Variants in NAV2 observed in about 807,000 individuals in gnomAD.
NAV2 encodes helicase, APC down-regulated 1.
A neutral mutation model predicts 223.2 loss-of-function variants in NAV2; 54 were observed. The ratio of observed to expected loss-of-function variants is 0.24; its 90% CI spans 0.19 to 0.30. NAV2 has a LOEUF of 0.30. NAV2 is among the 10% of genes least tolerant of loss of function. NAV2 has a pLI of 1.00. For synonymous variants in NAV2, 1,279 were observed against 1,239.3 expected, an observed-to-expected ratio of 1.03 and a Z score of -0.67; for missense variants, 2,806 against 3,147.5, an observed-to-expected ratio of 0.89 and a Z score of 2.60.
intron 1 of NAV2, among the ~76,000 whole-genome samples, chr11:19,433,790 C>T (rs2133621209): frequency 6.6e-6 from 1 of 152,302 alleles, no homozygotes; most frequent in Admixed American, 6.5e-5. Flanking sequence ...AAAGGCAGAT[C>T]ATTGCTTTTC....
chr11:19,868,204 G>A (rs935114637), intron 3 of NAV2, among the ~76,000 whole-genome samples: 1 of 152,180 alleles, frequency 6.6e-6, no homozygotes, highest in African/African-American at 2.4e-5. Flanking sequence ...GGTACCCGTT[G>A]ACATTAATCA....
chr11:20,050,720 G>C (rs2057917321), intron 16 of NAV2, among the ~76,000 whole-genome samples: 1 of 152,174 alleles, frequency 6.6e-6, no homozygotes, highest in Non-Finnish European at 1.5e-5. Context: ...CCCCACCCAG[G>C]ACTCAGCTCC....
At chr11:19,944,057 C>T (rs545268514) in intron 8 of NAV2, among the ~76,000 whole-genome samples, 8 of 152,010 alleles carry the variant, frequency 5.3e-5, no homozygotes, top group South Asian at 2.1e-4. Flanking sequence ...AAAATTTAGC[C>T]GGGTGTGGTG....
At chr11:19,357,961 C>T (rs1293909835) in intron 1 of NAV2, among the ~76,000 whole-genome samples, 1 of 152,116 alleles carries the variant, frequency 6.6e-6, no homozygotes, top group Non-Finnish European at 1.5e-5. Context: ...TCCCCTATAA[C>T]CTCAGCACCA....
At chr11:19,760,230 A>C (rs1230994215) in intron 1 of NAV2, 2 of 152,186 alleles carry the variant, frequency 1.3e-5, no homozygotes, top group Non-Finnish European at 2.9e-5. Context: ...GGCAGGCTGG[A>C]GAATGAGACC....
At position 19,693,672 on chromosome 11, in the gene NAV2, G is replaced by A. The variant is rs546419115; in HGVS notation, c.76-138812G>A. 2.0e-5 allele frequency among the ~76,000 whole-genome samples: 3 copies of A among 152,250 alleles called. No homozygotes were observed. In the East Asian group the frequency reaches 5.8e-4, roughly 29 times the overall value. On this transcript the variant is annotated intron_variant, in intron 1 of 37. Transcript: ENST00000360655. ...TGCCCTTTCTACTGTTTTAGGTGGAGCCCAGATTCACATGGTTTTCTGGTT... is the reference window on the plus strand; with the variant it reads ...TGCCCTTTCTACTGTTTTAGGTGGAACCCAGATTCACATGGTTTTCTGGTT...
chr11:20,051,380 G>A (rs769731791), intron 17 of NAV2, 47 bp downstream of exon 17: 2 of 1,585,414 alleles, frequency 1.3e-6, no homozygotes, highest in Non-Finnish European at 1.7e-6. Flanking sequence ...TGTGGCTTTG[G>A]AGCTTGGCTG....
At chr11:19,853,335 G>T (rs1760680576) in intron 3 of NAV2, among the ~76,000 whole-genome samples, 1 of 152,332 alleles carries the variant, frequency 6.6e-6, no homozygotes, top group East Asian at 1.9e-4. Flanking sequence ...CTGTAAAGTT[G>T]TTTCCAGTTT....
At chr11:19,914,031 A>G (rs968167006) in intron 6 of NAV2, among the ~76,000 whole-genome samples, 1 of 152,158 alleles carries the variant, frequency 6.6e-6, no homozygotes, top group Non-Finnish European at 1.5e-5. Context: ...ATCAGAGCGA[A>G]TTTTTTAATT....
intron 1 of NAV2, among the ~76,000 whole-genome samples, chr11:19,654,857 A>G (rs2048074217): frequency 6.6e-6 from 1 of 152,246 alleles, no homozygotes; most frequent in South Asian, 2.1e-4. Flanking sequence ...TAAAACACCA[A>G]AAGCAATGAC....
intron 1 of NAV2, among the ~76,000 whole-genome samples, chr11:19,416,494 C>T (rs868517258): frequency 6.6e-6 from 1 of 152,234 alleles, no homozygotes; most frequent in Middle Eastern, 3.4e-3. Context: ...TAGGAAGAAT[C>T]AATATTGTTA....
chr11:19,802,701 C>A (rs1039811106), intron 1 of NAV2, among the ~76,000 whole-genome samples: 5 of 129,094 alleles, frequency 3.9e-5, no homozygotes, highest in Non-Finnish European at 6.6e-5. Context: ...CAGAGTGAGA[C>A]CCTGTCTCTC....
At chr11:19,768,255 G>A (rs1393079477) in intron 1 of NAV2, among the ~76,000 whole-genome samples, 1 of 152,192 alleles carries the variant, frequency 6.6e-6, no homozygotes, top group Non-Finnish European at 1.5e-5. Flanking sequence ...CATCGGGAAG[G>A]AGAGAAGAAA....
intron 1 of NAV2, among the ~76,000 whole-genome samples, chr11:19,533,541 G>T (rs2044090158): frequency 6.6e-6 from 1 of 152,076 alleles, no homozygotes; most frequent in Non-Finnish European, 1.5e-5. Flanking sequence ...TCCTCCTGCA[G>T]GGCTGGGTGA....
At position 19,359,737 on chromosome 11, in the gene NAV2, A is replaced by C. The variant is rs529208599; in HGVS notation, c.75+8710A>C. On this transcript the variant is annotated intron_variant, in intron 1 of 37. Transcript: ENST00000360655. The stretch of plus-strand genomic sequence containing the variant: ...TCAAGAGAAACAGCTTTGAGCAAGG[A>C]GACGCTAATTAAGGTTGTTCCTTTG... Among the ~76,000 whole-genome samples the C allele has an allele frequency of 1.5e-3, 229 of 152,328 alleles. 1 individual carries two copies. Among genetic ancestry groups the C allele is most frequent in the Non-Finnish European group, 2.4e-3 (166 of 68,030 alleles).
In NAV2 at chr11:19,982,305, T is replaced by C. The variant is rs148975781; in HGVS notation, c.2646-1820T>C. Among the ~76,000 whole-genome samples the C allele has an allele frequency of 9.8e-3, 1,495 of 152,154 alleles. 30 individuals are homozygous for C. Among genetic ancestry groups the C allele is most frequent in the African/African-American group, 0.034 (1,425 of 41,510 alleles). ...TTTTTTGAGACGGAATCTCACTCTG[T>C]CGCCCAGGCTGGAGAGCAGTGGCAC... On this transcript the variant is annotated intron_variant, in intron 10 of 37. Transcript: ENST00000349880.
chr11:19,976,880 G>T (rs2049808975), intron 10 of NAV2, among the ~76,000 whole-genome samples: 1 of 152,230 alleles, frequency 6.6e-6, no homozygotes, highest in Non-Finnish European at 1.5e-5. Flanking sequence ...CCAAGGTGGT[G>T]TGTGTTGTGG....
At chr11:20,074,775 T>TTTTTTTTTTTTTTTA (rs2059619048) in intron 22 of NAV2, among the ~76,000 whole-genome samples, 1 of 146,690 alleles carries the variant, frequency 6.8e-6, no homozygotes, top group Admixed American at 6.8e-5. Flanking sequence ...TTTTTTTTTT[T>TTTTTTTTTTTTTTTA]TGCTTTCCAT....
chr11:19,686,836 A>G (rs1478327824), intron 1 of NAV2, among the ~76,000 whole-genome samples: 2 of 152,236 alleles, frequency 1.3e-5, no homozygotes, highest in African/African-American at 2.4e-5. Flanking sequence ...CAATTATAAC[A>G]TTTAGTCTTT....
Sources: allele counts gnomAD v4.1 joint callset (sites outside exome capture counted in the v4.1 genomes callset), GRCh38; gene constraint gnomAD v4.1.1; transcripts MANE v1.5; gene names NCBI Gene and HGNC (gene_info 2026-07-23, HGNC 2026-07-21).